Variants in ZNF202 observed in about 807,000 individuals in gnomAD.
The protein encoded by ZNF202 is zinc finger protein with KRAB and SCAN domains 10.
ZNF202 carries 22 observed loss-of-function variants against 54.5 expected under a neutral mutation model. The observed-to-expected ratio is 0.40, with a 90% CI of 0.29 to 0.58. The LOEUF is 0.58. ZNF202 is among the 20% of genes least tolerant of loss of function. The pLI is 0.39. For missense variants in ZNF202, 644 were observed against 805.5 expected (o/e 0.80, Z 2.43); for synonymous variants, 294 against 301.4 (o/e 0.98, Z 0.26).
In ZNF202 at chr11:123,725,723, C is replaced by T. The variant is rs934037021; in HGVS notation, c.*274G>A. 8 of 424,796 alleles carry T rather than the reference C, an allele frequency of 1.9e-5. No homozygotes were observed. The highest frequency in any genetic ancestry group is 3.4e-5 in the Non-Finnish European group (8 of 237,544). The allele number at this position is 424,796 out of a possible 1,614,324, so 26.3% of individuals were successfully genotyped here. On this transcript the variant is annotated 3_prime_UTR_variant, in exon 9 of 9. Transcript: ENST00000530393. Reference sequence around the variant, plus strand: ...CCTCTTAAGTCTCTTAGTTCTCCTACTTTATACCCATGAGGTAGAGGCAGG... The same window carrying T: ...CCTCTTAAGTCTCTTAGTTCTCCTATTTTATACCCATGAGGTAGAGGCAGG...
At chr11:123,739,099 AAGCTTTCTATTTCTCCTCCCCCAACTAG>A (rs1256641927) in intron 3 of ZNF202, among the ~76,000 whole-genome samples, 73 of 152,210 alleles carry the variant, frequency 4.8e-4, no homozygotes, top group African/African-American at 1.7e-3. Context: ...CATTGAGTTT[AAGCTTTCTATTTCTCCTCCCCCAACTAG>A]TATATATTAC....
intron 3 of ZNF202, among the ~76,000 whole-genome samples, chr11:123,737,025 A>T (rs1033894743): frequency 6.6e-6 from 1 of 152,204 alleles, no homozygotes; most frequent in African/African-American, 2.4e-5. Context: ...GTCTATTGTT[A>T]TATCAAAGAA....
Position 123,726,075 on chromosome 11 carries a change from G to A in ZNF202, c.1869C>T (p.Cys623=), listed in dbSNP as rs1861117472. 2.5e-6 allele frequency: 4 copies of A among 1,614,182 alleles called. No individual in the cohort carries two copies. The highest frequency in any genetic ancestry group is 1.3e-5 in the African/African-American group (1 of 75,040). ...TGCTGAAGCTTTTTCCACAGGTAGG[G>A]CACGTGAATGGTTTCTCCCCAGTGT... The part of the protein sequence containing the change: ...RTHTGEKPFT[C]PTCGKSFSRG... The change falls in exon 9 of 9, where the codon TGC becomes TGT. Residue 623 remains cysteine, a synonymous_variant. Transcript: ENST00000530393. This position sits in a 1 kb window ranked among gnomAD's most constrained non-coding sequence, Gnocchi z 6.0.
chr11:123,726,651 T>G lies in ZNF202; in HGVS notation c.1293A>C (p.Gly431=). The part of the protein sequence containing the change: ...GEKPYKCMEC[G]KSYTRSSHLA... Reference sequence around the variant, plus strand: ...GATGTGAGCTTCGTGTGTAACTTTTTCCACATTCCATACATTTATAGGGTT... The same window carrying G: ...GATGTGAGCTTCGTGTGTAACTTTTGCCACATTCCATACATTTATAGGGTT... Residue 431 remains glycine (G), a synonymous_variant, in exon 9 of 9, where the codon GGA becomes GGC. Transcript: ENST00000530393. The surrounding 1 kb of genome is among the most constrained non-coding windows in gnomAD (Gnocchi z 6.0). 6.2e-7 allele frequency: 1 copy of G among 1,614,196 alleles called. No individual in the cohort carries two copies. Among genetic ancestry groups the G allele is most frequent in the South Asian group, 1.1e-5 (1 of 91,082 alleles).
At chr11:123,734,646 A>C (rs1456633107) in intron 3 of ZNF202, among the ~76,000 whole-genome samples, 2 of 152,164 alleles carry the variant, frequency 1.3e-5, no homozygotes, top group Non-Finnish European at 2.9e-5. Context: ...AAAACTGTTC[A>C]TCTTCTGTTG....
At chr11:123,741,060 G>T (rs889413119) in intron 1 of ZNF202, among the ~76,000 whole-genome samples, 1 of 152,090 alleles carries the variant, frequency 6.6e-6, no homozygotes, top group East Asian at 1.9e-4. Flanking sequence ...CTGGGGGGCT[G>T]AGGGGGGCTT....
rs1861355479 is a variant in ZNF202 at position 123,730,419 on chromosome 11, C to T, written c.402+68G>A. The T allele has an allele frequency of 1.3e-6, 2 of 1,484,074 alleles. No individual in the cohort carries two copies. Among genetic ancestry groups the T allele is most frequent in the South Asian group, 3.0e-5 (2 of 66,904 alleles). The allele number at this position is 1,484,074 out of a possible 1,614,324, so 91.9% of individuals were successfully genotyped here. On this transcript the variant is annotated intron_variant, in intron 4 of 8. Transcript: ENST00000530393. This position sits in a 1 kb window ranked among gnomAD's most constrained non-coding sequence, Gnocchi z 6.0. Reference sequence around the variant, plus strand: ...TTTATGGGGATCCTGCAAGCTCTCCCCGCAAATCCAGCCTTCCAGCAAATA... The same window carrying T: ...TTTATGGGGATCCTGCAAGCTCTCCTCGCAAATCCAGCCTTCCAGCAAATA...
Position 123,730,792 on chromosome 11 carries a change from A to C in ZNF202, c.97T>G (p.Ser33Ala). Reference sequence around the variant, plus strand: ...ACCGGGTCATCCCTCTGTAAGACAGACTCTGGCCGACAGGTGAAATCATCT... The same window carrying C: ...ACCGGGTCATCCCTCTGTAAGACAGCCTCTGGCCGACAGGTGAAATCATCT... ...LEDDFTCRPESVLQRDDPVLE... is the reference protein window; with the variant it reads ...LEDDFTCRPEAVLQRDDPVLE... The change falls in exon 4 of 9, where the codon TCT becomes GCT. Residue 33 changes from serine to alanine, a missense_variant. Ser to Ala is a moderately conservative substitution (Grantham distance 99, BLOSUM62 1). Around this residue, in one of 3 missense-constraint regions of ZNF202, gnomAD observed 46 missense variants for 47.4 expected, o/e 0.97. Coordinates refer to ENST00000530393, the MANE Select transcript of ZNF202 (RefSeq NM_003455.4). This position sits in a 1 kb window ranked among gnomAD's most constrained non-coding sequence, Gnocchi z 6.0. 1 of 1,613,884 alleles carries C rather than the reference A, an allele frequency of 6.2e-7. No individual in the cohort carries two copies. Among genetic ancestry groups the C allele is most frequent in the Non-Finnish European group, 8.5e-7 (1 of 1,179,964 alleles).
chr11:123,737,640 T>C (rs897329860), intron 3 of ZNF202, among the ~76,000 whole-genome samples: 1 of 151,904 alleles, frequency 6.6e-6, no homozygotes, highest in South Asian at 2.1e-4. Context: ...AGAGTAAATG[T>C]AAACACAAAA....
intron 8 of ZNF202, 90 bp downstream of exon 8, chr11:123,727,386 G>A: frequency 9.7e-6 from 15 of 1,551,798 alleles, no homozygotes; most frequent in Non-Finnish European, 1.3e-5. Flanking sequence ...TAGAAGAACT[G>A]ATGAGAGCGG....
intron 3 of ZNF202, among the ~76,000 whole-genome samples, chr11:123,731,558 C>T (rs759393118): frequency 1.5e-4 from 23 of 152,190 alleles, no homozygotes; most frequent in South Asian, 4.1e-4. Flanking sequence ...AGGTTATGAG[C>T]GAAAGTTCTG....
At chr11:123,732,933 G>A (rs753157992) in intron 3 of ZNF202, among the ~76,000 whole-genome samples, 1 of 151,930 alleles carries the variant, frequency 6.6e-6, no homozygotes, top group African/African-American at 2.4e-5. Flanking sequence ...TCCCGGTTGA[G>A]CCATTATGAC....
chr11:123,725,601 A>G lies in ZNF202; in HGVS notation c.*396T>C, dbSNP rs1337618769. The G allele has an allele frequency of 5.8e-6, 1 of 172,024 alleles. No homozygotes were observed. The highest frequency in any genetic ancestry group is 2.4e-5 in the African/African-American group (1 of 41,882). The allele number at this position is 172,024 out of a possible 1,614,324, so 10.7% of individuals were successfully genotyped here. A position where few individuals can be genotyped will look rare whatever the true frequency, so the allele number is the denominator to read the frequency against. Reference sequence around the variant, plus strand: ...ATCCTTCAGGCTCGTCCCTTCCCAAACCTAAGGGGCTGTCCTTGGCCACTT... The same window carrying G: ...ATCCTTCAGGCTCGTCCCTTCCCAAGCCTAAGGGGCTGTCCTTGGCCACTT... On this transcript the variant is annotated 3_prime_UTR_variant, in exon 9 of 9. Coordinates refer to ENST00000530393, the MANE Select transcript of ZNF202 (RefSeq NM_003455.4).
chr11:123,736,195 G>C (rs369129780), intron 3 of ZNF202, among the ~76,000 whole-genome samples: 64 of 152,132 alleles, frequency 4.2e-4, no homozygotes, highest in East Asian at 2.7e-3. Context: ...AAAACCACAG[G>C]CAATGAAACA....
At chr11:123,739,067 G>C (rs1861751338) in intron 3 of ZNF202, among the ~76,000 whole-genome samples, 1 of 152,206 alleles carries the variant, frequency 6.6e-6, no homozygotes, top group Non-Finnish European at 1.5e-5. Flanking sequence ...GCCCTTAGTA[G>C]AAAAGGTATT....
chr11:123,735,882 A>T (rs1261875942), intron 3 of ZNF202, among the ~76,000 whole-genome samples: 1 of 152,210 alleles, frequency 6.6e-6, no homozygotes, highest in Non-Finnish European at 1.5e-5. Flanking sequence ...TGCTATTCTA[A>T]TACCTTTCTT....
At position 123,725,274 on chromosome 11, in the gene ZNF202, A is replaced by G. The variant is rs1234613367; in HGVS notation, c.*723T>C. The G allele has an allele frequency of 6.6e-6, 1 of 152,200 alleles. No individual in the cohort carries two copies. Among genetic ancestry groups the G allele is most frequent in the Non-Finnish European group, 1.5e-5 (1 of 68,028 alleles). The allele number at this position is 152,200 out of a possible 1,614,324, so 9.4% of individuals were successfully genotyped here. ...AGAAAAAAATATTAAAAACAAAACC[A>G]AAACTCGTATGGAAAGAGGCTTCTG... is the stretch of plus-strand genomic sequence containing the variant. On this transcript the variant is annotated 3_prime_UTR_variant, in exon 9 of 9. Transcript: ENST00000530393.
At chr11:123,741,142 G>A (rs1011070997) in intron 1 of ZNF202, among the ~76,000 whole-genome samples, 3 of 152,080 alleles carry the variant, frequency 2.0e-5, no homozygotes, top group African/African-American at 7.2e-5. Flanking sequence ...CTGAGAGGAG[G>A]GGTAAGAAAA....
Position 123,726,555 on chromosome 11 carries a change from T to C in ZNF202, c.1389A>G (p.Glu463=), listed in dbSNP as rs781218130. ...CAGCCTGTGTCACAGGGGAGGTCTC[T>C]TCCAAATTCTTCCGGTTTAGGGGAT... The part of the protein sequence containing the change: ...YKYPLNRKNL[E]ETSPVTQAER... Residue 463 remains glutamate (E), a synonymous_variant, in exon 9 of 9, where the codon GAA becomes GAG. Transcript: ENST00000530393. This position sits in a 1 kb window ranked among gnomAD's most constrained non-coding sequence, Gnocchi z 6.0. 1.9e-6 allele frequency: 3 copies of C among 1,614,240 alleles called. No homozygotes were observed. Among genetic ancestry groups the C allele is most frequent in the Admixed American group, 3.3e-5 (2 of 60,026 alleles).
Sources: allele counts gnomAD v4.1 joint callset (sites outside exome capture counted in the v4.1 genomes callset), GRCh38; gene constraint gnomAD v4.1.1; regional missense constraint gnomAD v4.1.1; non-coding constraint Gnocchi (gnomAD v3.1); transcripts MANE v1.5; gene names NCBI Gene and HGNC (gene_info 2026-07-23, HGNC 2026-07-21).